Variants in PTGER4 observed in about 807,000 individuals in gnomAD.
PTGER4 encodes prostaglandin E receptor 4, also known as prostaglandin E2 receptor EP4 subtype.
In PTGER4, 11 loss-of-function variants were observed where a neutral mutation model predicts 33.2. That is an observed-to-expected ratio of 0.33 (90% CI 0.21 to 0.55). PTGER4 has a LOEUF of 0.55. Among genes scored for constraint, PTGER4 ranks in the 20% least tolerant of loss-of-function variants. The probability of loss-of-function intolerance (pLI) is 0.92; values close to 1 mark genes in which losing one functional copy is unlikely to be tolerated. For synonymous variants in PTGER4, 275 were observed against 281.5 expected, an observed-to-expected ratio of 0.98 and a Z score of 0.23; for missense variants, 481 against 650.2, an observed-to-expected ratio of 0.74 and a Z score of 2.83.
At chr5:40,739,021 C>A in the PTGER4 span, among the ~76,000 whole-genome samples, 1 of 152,128 alleles carries the variant, frequency 6.6e-6, no homozygotes, top group Non-Finnish European at 1.5e-5. Flanking sequence ...CTCAATTAAG[C>A]CTTTTAAAAA....
chr5:40,737,556 C>G, the PTGER4 span, among the ~76,000 whole-genome samples: 2 of 152,038 alleles, frequency 1.3e-5, no homozygotes, highest in African/African-American at 4.8e-5. Flanking sequence ...GACAAGCACT[C>G]AAAACTTTGT....
the PTGER4 span, among the ~76,000 whole-genome samples, chr5:40,718,319 T>C: frequency 1.3e-5 from 2 of 151,894 alleles, no homozygotes; most frequent in East Asian, 1.9e-4. Context: ...GGCAGGAAAA[T>C]TGTTTGAACC....
downstream of PTGER4, among the ~76,000 whole-genome samples, chr5:40,697,132 AGGAAGGAAG>A (rs1416655761): frequency 8.8e-4 from 94 of 107,288 alleles, no homozygotes; most frequent in African/African-American, 1.5e-3. Context: ...AAAGAAAGGA[AGGAAGGAAG>A]GAAAGAAAGA....
chr5:40,738,572 A>T, the PTGER4 span, among the ~76,000 whole-genome samples: 510 of 73,666 alleles, frequency 6.9e-3, 10 homozygotes, highest in African/African-American at 0.017. Context: ...TAAAATATAA[A>T]ATAAAATAAA....
chr5:40,701,614 G>A, the PTGER4 span, among the ~76,000 whole-genome samples: 1 of 152,144 alleles, frequency 6.6e-6, no homozygotes, highest in African/African-American at 2.4e-5. Flanking sequence ...TATATTTCAG[G>A]ATATCATCTA....
chr5:40,699,526 T>C, the PTGER4 span, among the ~76,000 whole-genome samples: 1 of 152,068 alleles, frequency 6.6e-6, no homozygotes, highest in African/African-American at 2.4e-5. Flanking sequence ...TATCATGACT[T>C]GAAAACCAAA....
the PTGER4 span, among the ~76,000 whole-genome samples, chr5:40,745,838 G>A: frequency 7.9e-5 from 12 of 152,060 alleles, no homozygotes; most frequent in Admixed American, 2.0e-4. Context: ...GGGCTCAAGC[G>A]ATCCTCCCAC....
chr5:40,709,042 A>G, the PTGER4 span, among the ~76,000 whole-genome samples: 1 of 152,238 alleles, frequency 6.6e-6, no homozygotes, highest in African/African-American at 2.4e-5. Context: ...TCAAAATAAT[A>G]AGAGCTATCT....
At chr5:40,742,433 A>G in the PTGER4 span, among the ~76,000 whole-genome samples, 1 of 152,216 alleles carries the variant, frequency 6.6e-6, no homozygotes, top group Admixed American at 6.5e-5. Flanking sequence ...ATTGAGGTAG[A>G]TATTTTCTGC....
At chr5:40,729,790 C>A in the PTGER4 span, among the ~76,000 whole-genome samples, 1 of 152,154 alleles carries the variant, frequency 6.6e-6, no homozygotes. Flanking sequence ...CCTCCGCCTC[C>A]CACGTTCAAG....
the PTGER4 span, among the ~76,000 whole-genome samples, chr5:40,735,799 A>C: frequency 2.6e-5 from 4 of 152,216 alleles, no homozygotes; most frequent in African/African-American, 4.8e-5. Context: ...GAATGATGAG[A>C]AGCACAATAA....
chr5:40,730,842 GA>G, the PTGER4 span, among the ~76,000 whole-genome samples: 1 of 151,824 alleles, frequency 6.6e-6, no homozygotes, highest in Non-Finnish European at 1.5e-5. Context: ...AGATAAGGGA[GA>G]AAAAAGTACA....
the PTGER4 span, among the ~76,000 whole-genome samples, chr5:40,740,379 T>C: frequency 6.6e-6 from 1 of 151,948 alleles, no homozygotes; most frequent in Non-Finnish European, 1.5e-5. Flanking sequence ...AATAAAGTTA[T>C]TTTGCCTTCA....
At chr5:40,712,820 C>G in the PTGER4 span, among the ~76,000 whole-genome samples, 3 of 152,128 alleles carry the variant, frequency 2.0e-5, no homozygotes, top group African/African-American at 7.2e-5. Context: ...CCATCCTTAC[C>G]CGCCGCTGCC....
chr5:40,729,268 A>C, the PTGER4 span, among the ~76,000 whole-genome samples: 1 of 152,224 alleles, frequency 6.6e-6, no homozygotes, highest in East Asian at 1.9e-4. Context: ...GGATAAACTA[A>C]AGTCAAAGGT....
the PTGER4 span, among the ~76,000 whole-genome samples, chr5:40,717,469 GGA>G: frequency 2.0e-5 from 3 of 152,082 alleles, no homozygotes; most frequent in African/African-American, 7.2e-5. Flanking sequence ...ACTACAGTCT[GGA>G]TAAAGGTCAA....
the PTGER4 span, chr5:40,728,400 C>T: frequency 6.2e-7 from 1 of 1,613,738 alleles, no homozygotes; most frequent in Non-Finnish European, 8.5e-7. Context: ...CCAAGACTCC[C>T]ATGAATGTGG....
chr5:40,742,265 G>A, the PTGER4 span, among the ~76,000 whole-genome samples: 2 of 151,964 alleles, frequency 1.3e-5, no homozygotes, highest in African/African-American at 4.8e-5. Context: ...TGAGGCAATT[G>A]CAAGTGAAGA....
chr5:40,720,375 C>A, the PTGER4 span, among the ~76,000 whole-genome samples: 2 of 152,204 alleles, frequency 1.3e-5, no homozygotes, highest in African/African-American at 4.8e-5. Context: ...TATTTCTGTA[C>A]TTTCAGTTCT....
Sources: allele counts gnomAD v4.1 joint callset (sites outside exome capture counted in the v4.1 genomes callset), GRCh38; gene constraint gnomAD v4.1.1; transcripts MANE v1.5; gene names NCBI Gene and HGNC (gene_info 2026-07-23, HGNC 2026-07-21).